DLG1: variants seen among roughly 807,000 people sequenced by gnomAD.
DLG1 encodes the protein discs large MAGUK scaffold protein 1, also known as disks large homolog 1.
A neutral mutation model predicts 123.4 loss-of-function variants in DLG1; 42 were observed. The observed-to-expected ratio is 0.34, with a 90% CI of 0.27 to 0.44. The LOEUF (loss-of-function observed/expected upper bound fraction) is 0.44, where lower values mean the gene tolerates loss of function less well. DLG1 is among the 20% of genes least tolerant of loss of function. The probability of loss-of-function intolerance (pLI) is 1.00; values close to 1 mark genes in which losing one functional copy is unlikely to be tolerated. For synonymous variants in DLG1, 317 were observed against 356.2 expected (o/e 0.89, Z 1.24); for missense variants, 942 against 1,082.6 (o/e 0.87, Z 1.82).
At chr3:197,200,268 ATTAT>A (rs1452063336) in intron 4 of DLG1, among the ~76,000 whole-genome samples, 1 of 152,196 alleles carries the variant, frequency 6.6e-6, no homozygotes, top group Non-Finnish European at 1.5e-5. Flanking sequence ...TTGAACAAAT[ATTAT>A]TAGTGTGCAA....
In DLG1 at chr3:197,272,364, GA is replaced by G. The variant is rs935652969; in HGVS notation, c.318+10314del. 7.6e-5 allele frequency among the ~76,000 whole-genome samples: 11 copies of G among 145,248 alleles called. 1 individual carries two copies. The highest frequency in any genetic ancestry group is 4.3e-4 in the South Asian group (2 of 4,612). ...AGACCTCCTCTAAGGAAAAAAAAAA[GA>G]AAAAAAAAAGCATAAAACTGTGCTG... On this transcript the variant is annotated intron_variant, in intron 4 of 24. Coordinates refer to ENST00000667157, the MANE Select transcript of DLG1 (RefSeq NM_001366207.1).
intron 13 of DLG1, among the ~76,000 whole-genome samples, chr3:197,106,727 T>G (rs191766154): frequency 6.6e-6 from 1 of 152,302 alleles, no homozygotes. Flanking sequence ...ATTAAAGACT[T>G]TCCAGACTAT....
chr3:197,104,725 C>T (rs1765425816), intron 14 of DLG1, among the ~76,000 whole-genome samples, 178 bp downstream of exon 14: 1 of 151,642 alleles, frequency 6.6e-6, no homozygotes, highest in Non-Finnish European at 1.5e-5. Context: ...AAAAAACAAA[C>T]AACTTTTGAT....
At chr3:197,145,715 G>C (rs1790394357) in intron 6 of DLG1, among the ~76,000 whole-genome samples, 1 of 152,002 alleles carries the variant, frequency 6.6e-6, no homozygotes, top group African/African-American at 2.4e-5. Flanking sequence ...AAATATTCCT[G>C]GTGCTTAATT....
intron 19 of DLG1, among the ~76,000 whole-genome samples, chr3:197,068,989 T>C (rs574215501): frequency 2.0e-5 from 3 of 146,988 alleles, no homozygotes; most frequent in Non-Finnish European, 4.5e-5. Flanking sequence ...TATACATATG[T>C]ATCATGTACA....
intron 3 of DLG1, among the ~76,000 whole-genome samples, chr3:197,290,353 T>C (rs542457477): frequency 3.3e-5 from 5 of 152,294 alleles, no homozygotes; most frequent in Admixed American, 6.5e-5. Context: ...GGTGGAAATT[T>C]TGCTAAGGAG....
intron 16 of DLG1, among the ~76,000 whole-genome samples, chr3:197,082,366 T>C (rs1751686185): frequency 6.6e-6 from 1 of 151,108 alleles, no homozygotes; most frequent in Non-Finnish European, 1.5e-5. Context: ...CAAGACTCCG[T>C]CCCCCACCCC....
rs766078127 is a variant in DLG1, at chr3:197,296,496, GC to G, written c.20-20del. ...TGGGTATCTGAGAAGAAAAAGCAGA[GC>G]CTGATTAAAACTCTCTATTTACAAA... is the stretch of plus-strand genomic sequence containing the variant. On this transcript the variant is annotated intron_variant, in intron 2 of 24. Coordinates refer to ENST00000667157, the MANE Select transcript of DLG1 (RefSeq NM_001366207.1). The G allele has an allele frequency of 1.9e-6, 3 of 1,611,126 alleles. No individual in the cohort carries two copies. The highest frequency in any genetic ancestry group is 2.2e-5 in the South Asian group (2 of 90,738).
chr3:197,212,765 T>C (rs1731934446), intron 4 of DLG1, among the ~76,000 whole-genome samples: 1 of 152,234 alleles, frequency 6.6e-6, no homozygotes. Context: ...TATTAGGGGC[T>C]AGGACTCCAA....
intron 18 of DLG1, among the ~76,000 whole-genome samples, chr3:197,074,574 A>C (rs1040559309): frequency 2.6e-5 from 4 of 152,070 alleles, no homozygotes; most frequent in Admixed American, 6.5e-5. Context: ...TCTCAAAATA[A>C]ATTCTATAGC....
chr3:197,295,555 G>A (rs141785468), intron 3 of DLG1, among the ~76,000 whole-genome samples: 139 of 151,686 alleles, frequency 9.2e-4, no homozygotes, highest in African/African-American at 3.3e-3. Context: ...AACTTTTTGA[G>A]GTACCTGGAC....
At chr3:197,180,368 G>A (rs1042854970) in intron 5 of DLG1, among the ~76,000 whole-genome samples, 7 of 152,076 alleles carry the variant, frequency 4.6e-5, no homozygotes, top group Admixed American at 4.6e-4. Context: ...TAAGTAGGAC[G>A]GGGCCGATTA....
At chr3:197,224,500 GA>G (rs1224812117) in intron 4 of DLG1, among the ~76,000 whole-genome samples, 1 of 151,940 alleles carries the variant, frequency 6.6e-6, no homozygotes, top group African/African-American at 2.4e-5. Context: ...ACACCTAGGG[GA>G]AAAAAATGTA....
chr3:197,294,986 C>CCA (rs1349484659), intron 3 of DLG1, among the ~76,000 whole-genome samples: 91 of 152,236 alleles, frequency 6.0e-4, no homozygotes, highest in African/African-American at 2.0e-3. Flanking sequence ...TTACTAGGCT[C>CCA]AATGTTGATT....
chr3:197,062,161 T>C (rs907020774), intron 22 of DLG1, among the ~76,000 whole-genome samples: 1 of 152,152 alleles, frequency 6.6e-6, no homozygotes, highest in Non-Finnish European at 1.5e-5. Context: ...AAATTGAAAA[T>C]GCATTTAATA....
At chr3:197,290,117 C>G (rs568130507) in intron 3 of DLG1, among the ~76,000 whole-genome samples, 2 of 151,382 alleles carry the variant, frequency 1.3e-5, no homozygotes, top group South Asian at 4.2e-4. Context: ...CTGGATCACT[C>G]AGAGCACAAA....
At chr3:197,047,163 ATAAT>A (rs1723885290) in intron 24 of DLG1, among the ~76,000 whole-genome samples, 1 of 152,224 alleles carries the variant, frequency 6.6e-6, no homozygotes, top group Non-Finnish European at 1.5e-5. Context: ...GATGAGACAT[ATAAT>A]TATTAAATTT....
intron 3 of DLG1, among the ~76,000 whole-genome samples, chr3:197,285,835 A>C (rs965173677): frequency 6.6e-6 from 1 of 152,210 alleles, no homozygotes; most frequent in Non-Finnish European, 1.5e-5. Flanking sequence ...AAAACTATAC[A>C]TACTCATACT....
intron 11 of DLG1, 129 bp downstream of exon 11, chr3:197,130,398 C>T (rs920845001): frequency 4.0e-5 from 33 of 817,758 alleles, no homozygotes; most frequent in Non-Finnish European, 5.2e-5. Context: ...AGTAGATTAA[C>T]ATGCTTAATT....
Sources: gnomAD v4.1 joint callset for allele counts (sites outside exome capture counted in the v4.1 genomes callset) on GRCh38, gnomAD v4.1.1 for gene constraint, MANE v1.5 for transcripts, NCBI Gene and HGNC (gene_info 2026-07-23, HGNC 2026-07-21) for gene names.